TANC2: variants seen among roughly 807,000 people sequenced by gnomAD.
The protein encoded by TANC2 is tetratricopeptide repeat, ankyrin repeat and coiled-coil containing 2, also known as protein TANC2.
TANC2 carries 26 observed loss-of-function variants against 210.5 expected under a neutral mutation model. The ratio of observed to expected loss-of-function variants is 0.12; its 90% CI spans 0.09 to 0.17. The LOEUF (loss-of-function observed/expected upper bound fraction) is 0.17, where lower values mean the gene tolerates loss of function less well. TANC2 is among the 10% of genes least tolerant of loss of function. TANC2 has a pLI of 1.00. For synonymous variants in TANC2, 931 were observed against 967.1 expected (o/e 0.96, Z 0.69); for missense variants, 2,129 against 2,608.9 (o/e 0.82, Z 4.01).
Position 62,966,599 on chromosome 17 carries a change from C to T in TANC2, c.-174C>T, listed in dbSNP as rs1439107426. Among the ~76,000 whole-genome samples the T allele has an allele frequency of 6.6e-6, 1 of 151,430 alleles. No homozygotes were observed. Among genetic ancestry groups the T allele is most frequent in the Non-Finnish European group, 1.5e-5 (1 of 67,808 alleles). Reference sequence around the variant, plus strand: ...CGCCGGCTGCGAGGCCCCGCCGCGCCGTTCCGGGGTGCAGACTCGCCGCGG... The same window carrying T: ...CGCCGGCTGCGAGGCCCCGCCGCGCTGTTCCGGGGTGCAGACTCGCCGCGG... On this transcript the variant is annotated 5_prime_UTR_variant, in exon 1 of 28. Transcript: ENST00000689528. This position sits in a 1 kb window ranked among gnomAD's most constrained non-coding sequence, Gnocchi z 5.1.
chr17:63,225,119 T>C (rs918235016), intron 7 of TANC2, among the ~76,000 whole-genome samples: 1 of 152,200 alleles, frequency 6.6e-6, no homozygotes, highest in Non-Finnish European at 1.5e-5. Flanking sequence ...TCCCTCTCAC[T>C]TTGGAACCAT....
At chr17:62,994,235 G>A (rs981354931) in intron 1 of TANC2, among the ~76,000 whole-genome samples, 2 of 151,436 alleles carry the variant, frequency 1.3e-5, no homozygotes, top group Non-Finnish European at 2.9e-5. Context: ...GTGCAGTGGC[G>A]CATTCTCAGC....
chr17:63,126,031 A>G lies in TANC2; in HGVS notation c.323-25239A>G, dbSNP rs1222493756. Among the ~76,000 whole-genome samples the G allele has an allele frequency of 3.3e-5, 5 of 152,214 alleles. No homozygotes were observed. In the South Asian group the frequency reaches 6.2e-4, roughly 19 times the overall value. ...TCCGCATCTGCAAAAAGCAGGTAGT[A>G]ATAGTACCTACTACTTCCTAGGGTT... On this transcript the variant is annotated intron_variant, in intron 4 of 27. Coordinates refer to ENST00000689528, the Ensembl canonical transcript of TANC2.
chr17:63,018,063 G>C (rs889614552), intron 2 of TANC2, among the ~76,000 whole-genome samples: 1 of 152,058 alleles, frequency 6.6e-6, no homozygotes, highest in Non-Finnish European at 1.5e-5. Context: ...AGTTGTTTGA[G>C]GTTACAGTGA....
intron 2 of TANC2, among the ~76,000 whole-genome samples, chr17:63,067,117 TAAAG>T (rs1386761653): frequency 1.3e-5 from 2 of 152,194 alleles, no homozygotes; most frequent in Non-Finnish European, 2.9e-5. Flanking sequence ...CCTGTAGTAT[TAAAG>T]AAGACTTGGA....
intron 10 of TANC2, among the ~76,000 whole-genome samples, chr17:63,318,631 G>A (rs2045391087): frequency 6.6e-6 from 1 of 152,102 alleles, no homozygotes; most frequent in African/African-American, 2.4e-5. Flanking sequence ...CTTGGATTTA[G>A]CATAACATTT....
In TANC2 at chr17:63,412,307, G is replaced by A. The variant is rs117008708; in HGVS notation, c.3898+177G>A. On this transcript the variant is annotated intron_variant, in intron 23 of 27. Transcript: ENST00000689528. The surrounding 1 kb of genome is among the most constrained non-coding windows in gnomAD (Gnocchi z 4.2). The stretch of plus-strand genomic sequence containing the variant: ...CAGGGAAAGCGCCATCTGAGCCATG[G>A]TCTGCAGTCCCCTGTGTCCAGAACC... Among the ~76,000 whole-genome samples, 3 of 152,156 alleles carry A rather than the reference G, an allele frequency of 2.0e-5. No homozygotes were observed. The highest frequency in any genetic ancestry group is 4.4e-5 in the Non-Finnish European group (3 of 68,024).
At chr17:63,065,142 A>C (rs1431367608) in intron 2 of TANC2, among the ~76,000 whole-genome samples, 1 of 152,058 alleles carries the variant, frequency 6.6e-6, no homozygotes, top group African/African-American at 2.4e-5. Flanking sequence ...GAGACAATGG[A>C]GTATTTATCT....
chr17:63,242,014 G>A (rs760646521), intron 8 of TANC2, among the ~76,000 whole-genome samples: 1 of 152,124 alleles, frequency 6.6e-6, no homozygotes, highest in Non-Finnish European at 1.5e-5. Context: ...TTGGTCACCT[G>A]CTTGAGTCTA....
intron 3 of TANC2, among the ~76,000 whole-genome samples, chr17:63,098,513 G>C (rs374692087): frequency 3.2e-5 from 4 of 125,414 alleles, no homozygotes; most frequent in African/African-American, 1.2e-4. Context: ...CTCTCTCTGT[G>C]TGTATATATA....
intron 2 of TANC2, among the ~76,000 whole-genome samples, chr17:63,011,927 T>C (rs749866907): frequency 2.2e-4 from 33 of 151,994 alleles, no homozygotes; most frequent in Non-Finnish European, 3.7e-4. Context: ...TTTGGGTATC[T>C]GTGTGCTGTC....
intron 14 of TANC2, among the ~76,000 whole-genome samples, chr17:63,360,561 T>C (rs988791735): frequency 6.6e-5 from 10 of 152,210 alleles, no homozygotes; most frequent in African/African-American, 2.4e-4. Flanking sequence ...TATTTTGATA[T>C]AGGCATGCAG....
chr17:63,355,025 G>A, exon 14 of TANC2: 1 of 1,613,938 alleles, frequency 6.2e-7, no homozygotes, highest in Admixed American at 1.7e-5. Flanking sequence ...ACCTCATAGA[G>A]AAAGGCTATC....
intron 8 of TANC2, among the ~76,000 whole-genome samples, chr17:63,259,607 G>GA (rs988168834): frequency 5.3e-5 from 8 of 152,064 alleles, no homozygotes; most frequent in Middle Eastern, 6.8e-3. Flanking sequence ...CACTATTAAT[G>GA]AAAAATACAT....
intron 1 of TANC2, among the ~76,000 whole-genome samples, chr17:62,970,704 T>C (rs1420237946): frequency 6.6e-6 from 1 of 152,156 alleles, no homozygotes; most frequent in Non-Finnish European, 1.5e-5. Flanking sequence ...TTCTTCCTTT[T>C]ACAGTAGAAT....
At chr17:63,010,033 T>A (rs2033796535) in intron 2 of TANC2, among the ~76,000 whole-genome samples, 1 of 152,132 alleles carries the variant, frequency 6.6e-6, no homozygotes, top group Non-Finnish European at 1.5e-5. Flanking sequence ...GTTGAATTTT[T>A]TATAGCCATT....
At chr17:63,249,250 TTTAAA>T (rs2042994149) in intron 8 of TANC2, among the ~76,000 whole-genome samples, 1 of 152,202 alleles carries the variant, frequency 6.6e-6, no homozygotes, top group Non-Finnish European at 1.5e-5. Flanking sequence ...TTCATACACC[TTTAAA>T]TTAAAATTCT....
At chr17:63,032,956 C>G (rs903413416) in intron 2 of TANC2, among the ~76,000 whole-genome samples, 1 of 152,186 alleles carries the variant, frequency 6.6e-6, no homozygotes, top group African/African-American at 2.4e-5. Flanking sequence ...CCATGGCTCC[C>G]TCCTTGGGTT....
chr17:63,145,259 G>A (rs1281551417), intron 4 of TANC2, among the ~76,000 whole-genome samples: 1 of 151,928 alleles, frequency 6.6e-6, no homozygotes, highest in Admixed American at 6.6e-5. Flanking sequence ...CAGAGATCCA[G>A]GGTTAATAAG....
Sources: gnomAD v4.1 joint callset for allele counts (sites outside exome capture counted in the v4.1 genomes callset) on GRCh38, gnomAD v4.1.1 for gene constraint, Gnocchi (gnomAD v3.1) non-coding constraint, MANE v1.5 for transcripts, NCBI Gene and HGNC (gene_info 2026-07-23, HGNC 2026-07-21) for gene names.